The following CREB5 variants were observed in gnomAD, a reference collection of about 807,000 sequenced individuals.
The protein encoded by CREB5 is cAMP responsive element binding protein 5, also known as cyclic AMP-responsive element-binding protein 5.
Under a neutral mutation model 57.1 loss-of-function variants are expected in CREB5, and 19 were observed. The observed-to-expected ratio is 0.33, with a 90% CI of 0.23 to 0.49. CREB5 has a LOEUF of 0.49. CREB5 is among the 20% of genes least tolerant of loss of function. The probability of loss-of-function intolerance (pLI) is 0.99; values close to 1 mark genes in which losing one functional copy is unlikely to be tolerated. For synonymous variants in CREB5, 238 were observed against 238.3 expected (o/e 1.00, Z 0.01); for missense variants, 579 against 671.6 (o/e 0.86, Z 1.52).
At chr7:28,309,998 G>C (rs1224161945) in intron 1 of CREB5, among the ~76,000 whole-genome samples, 1 of 152,210 alleles carries the variant, frequency 6.6e-6, no homozygotes, top group South Asian at 2.1e-4. Context: ...CTTTCTACTG[G>C]AGGAGGGATG....
chr7:28,483,470 T>C (rs547494656), intron 1 of CREB5, among the ~76,000 whole-genome samples: 1 of 152,350 alleles, frequency 6.6e-6, no homozygotes, highest in African/African-American at 2.4e-5. Context: ...TTTTTTGTTA[T>C]CTTCCTCAAA....
rs1212595303 is a variant in CREB5, at chr7:28,560,987, T to TGCGCGTGTGCACGTGTGTGCGCGTGC, written c.292-9377_292-9376insCGCGTGTGCACGTGTGTGCGCGTGCG. Among the ~76,000 whole-genome samples, 7 of 64,452 alleles carry TGCGCGTGTGCACGTGTGTGCGCGTGC rather than the reference T, an allele frequency of 1.1e-4. 1 individual carries two copies. Among genetic ancestry groups the TGCGCGTGTGCACGTGTGTGCGCGTGC allele is most frequent in the Non-Finnish European group, 2.5e-4 (7 of 28,414 alleles). 42.3% of individuals were successfully genotyped at this position (64,452 alleles called of 152,430 possible). A position where few individuals can be genotyped will look rare whatever the true frequency, so the allele number is the denominator to read the frequency against. ...GTGTGTGTGTGCGTGTGTGCGTGCG[T>TGCGCGTGTGCACGTGTGTGCGCGTGC]GTGTGTGCCTGCGTGTGCGTGTGTG... On this transcript the variant is annotated intron_variant, in intron 4 of 10. Coordinates refer to ENST00000357727, the MANE Select transcript of CREB5 (RefSeq NM_182898.4).
intron 1 of CREB5, among the ~76,000 whole-genome samples, chr7:28,462,173 G>A (rs1406130649): frequency 1.3e-5 from 2 of 152,144 alleles, no homozygotes; most frequent in East Asian, 3.8e-4. Context: ...CACAACACGT[G>A]ACATTTTGTG....
intron 7 of CREB5, among the ~76,000 whole-genome samples, chr7:28,783,527 T>C (rs1029043562): frequency 6.6e-6 from 1 of 152,218 alleles, no homozygotes; most frequent in African/African-American, 2.4e-5. Context: ...GCATGCATTA[T>C]AACCATTTGC....
chr7:28,776,727 C>T (rs1485741436), intron 7 of CREB5, among the ~76,000 whole-genome samples: 2 of 152,196 alleles, frequency 1.3e-5, no homozygotes, highest in Admixed American at 6.5e-5. Context: ...CGTCTGGCAA[C>T]GAGTAATCTA....
chr7:28,748,336 C>T (rs1203608448), intron 7 of CREB5, among the ~76,000 whole-genome samples: 1 of 152,164 alleles, frequency 6.6e-6, no homozygotes, highest in Non-Finnish European at 1.5e-5. Context: ...ATGTGTAGGA[C>T]TTCTTTGAAA....
intron 7 of CREB5, among the ~76,000 whole-genome samples, chr7:28,772,096 G>A (rs1806356218): frequency 6.6e-6 from 1 of 152,164 alleles, no homozygotes; most frequent in African/African-American, 2.4e-5. Flanking sequence ...CAGCCCAGAC[G>A]TTAAGGGACA....
At chr7:28,526,207 T>C (rs1350553966) in intron 4 of CREB5, among the ~76,000 whole-genome samples, 9 of 152,192 alleles carry the variant, frequency 5.9e-5, no homozygotes, top group Admixed American at 3.3e-4. Context: ...CAGGAAATAA[T>C]CTTTCTGTTG....
intron 1 of CREB5, among the ~76,000 whole-genome samples, chr7:28,448,117 A>G (rs1789580715): frequency 6.6e-6 from 1 of 152,202 alleles, no homozygotes; most frequent in African/African-American, 2.4e-5. Flanking sequence ...TAAAGCAGGC[A>G]GAAAAACGTG....
chr7:28,313,204 T>C (rs1785313233), intron 1 of CREB5, among the ~76,000 whole-genome samples: 1 of 152,198 alleles, frequency 6.6e-6, no homozygotes, highest in African/African-American at 2.4e-5. Context: ...GAACCACTGA[T>C]CTAGATGGTG....
At chr7:28,451,612 A>G (rs1028479234) in intron 1 of CREB5, among the ~76,000 whole-genome samples, 1 of 152,062 alleles carries the variant, frequency 6.6e-6, no homozygotes, top group Non-Finnish European at 1.5e-5. Flanking sequence ...TTCATGGTAC[A>G]TAGTACATGT....
chr7:28,437,800 T>A (rs895991377), intron 1 of CREB5, among the ~76,000 whole-genome samples: 2 of 152,162 alleles, frequency 1.3e-5, no homozygotes, highest in African/African-American at 4.8e-5. Flanking sequence ...TTATCCTACT[T>A]CTTAAATGCA....
intron 3 of CREB5, among the ~76,000 whole-genome samples, 185 bp downstream of exon 3, chr7:28,495,184 AT>A (rs1261146156): frequency 6.6e-6 from 1 of 152,064 alleles, no homozygotes; most frequent in Non-Finnish European, 1.5e-5. Flanking sequence ...GCAACTTCTC[AT>A]TTTCTAGATA....
chr7:28,622,063 A>G (rs1013132367), intron 5 of CREB5, among the ~76,000 whole-genome samples: 1 of 152,172 alleles, frequency 6.6e-6, no homozygotes, highest in African/African-American at 2.4e-5. Context: ...TCAATGATTA[A>G]CACTGTGATA....
At chr7:28,780,190 C>T (rs1251143615) in intron 7 of CREB5, among the ~76,000 whole-genome samples, 4 of 152,124 alleles carry the variant, frequency 2.6e-5, no homozygotes, top group African/African-American at 9.7e-5. Context: ...TTGGTTAGTT[C>T]CTGTGGCTTA....
intron 5 of CREB5, among the ~76,000 whole-genome samples, chr7:28,692,024 A>AAC (rs1033866351): frequency 3.3e-5 from 5 of 150,840 alleles, no homozygotes; most frequent in African/African-American, 1.2e-4. Flanking sequence ...AAAAAAAAAA[A>AAC]AAAAACAACA....
chr7:28,726,492 G>C (rs904255189), intron 7 of CREB5, among the ~76,000 whole-genome samples: 5 of 151,930 alleles, frequency 3.3e-5, no homozygotes, highest in Admixed American at 1.3e-4. Context: ...GGGCTGCTCA[G>C]ATGAAAAGCT....
rs540821636 is a variant in CREB5 at position 28,392,574 on chromosome 7, G to T, written c.-25+93133G>T. Among the ~76,000 whole-genome samples, 8 of 152,300 alleles carry T rather than the reference G, an allele frequency of 5.3e-5. No homozygotes were observed. The South Asian group carries it at 1.7e-3, about 32-fold the overall frequency. ...ACATGTTATGGGTTTTGCAATATTT[G>T]CCTTGTAGGTTTCACTTTGGGGTCT... is the stretch of plus-strand genomic sequence containing the variant. On this transcript the variant is annotated intron_variant, in intron 1 of 9. Transcript: ENST00000396299.
intron 5 of CREB5, among the ~76,000 whole-genome samples, chr7:28,651,645 TTTCGCCGGGCAC>T (rs1265533186): frequency 6.6e-6 from 1 of 152,224 alleles, no homozygotes; most frequent in Non-Finnish European, 1.5e-5. Context: ...GTCCTCTTTC[TTTCGCCGGGCAC>T]TTGATACCAA....
Sources: allele counts gnomAD v4.1 joint callset (sites outside exome capture counted in the v4.1 genomes callset), GRCh38; gene constraint gnomAD v4.1.1; transcripts MANE v1.5; gene names NCBI Gene and HGNC (gene_info 2026-07-23, HGNC 2026-07-21).